Variants in FAR2 observed in about 807,000 individuals in gnomAD.
The protein encoded by FAR2 is fatty acyl-CoA reductase 2, also known as epididymis secretory protein Li 81.
A neutral mutation model predicts 56.0 loss-of-function variants in FAR2; 19 were observed. The ratio of observed to expected loss-of-function variants is 0.34; its 90% CI spans 0.24 to 0.50. The LOEUF (loss-of-function observed/expected upper bound fraction) is 0.50, where lower values mean the gene tolerates loss of function less well. Among genes scored for constraint, FAR2 ranks in the 20% least tolerant of loss-of-function variants. The pLI is 0.98. For synonymous variants in FAR2, 219 were observed against 218.8 expected, an observed-to-expected ratio of 1.00 and a Z score of -0.01; for missense variants, 508 against 642.2, an observed-to-expected ratio of 0.79 and a Z score of 2.26.
Position 29,333,863 on chromosome 12 carries a change from A to C in FAR2, c.*69A>C. On this transcript the variant is annotated 3_prime_UTR_variant, in exon 12 of 12. Transcript: ENST00000536681. ...TCTAAAACAGCAAACTGTGATTCTCAAGATTAGAAAGTAACAAGGAATATG... is the reference window on the plus strand; with the variant it reads ...TCTAAAACAGCAAACTGTGATTCTCCAGATTAGAAAGTAACAAGGAATATG... 13 of 1,415,186 alleles carry C rather than the reference A, an allele frequency of 9.2e-6. No individual in the cohort carries two copies. The highest frequency in any genetic ancestry group is 1.3e-5 in the Non-Finnish European group (13 of 1,023,080). The allele number at this position is 1,415,186 out of a possible 1,614,324, so 87.7% of individuals were successfully genotyped here.
intron 1 of FAR2, among the ~76,000 whole-genome samples, chr12:29,160,730 T>A (rs939689666): frequency 2.0e-5 from 3 of 152,168 alleles, no homozygotes; most frequent in Non-Finnish European, 2.9e-5. Context: ...TCTTTGCTAA[T>A]AGATGGCTGT....
At chr12:29,176,411 G>A (rs1287609083) in intron 1 of FAR2, among the ~76,000 whole-genome samples, 1 of 152,116 alleles carries the variant, frequency 6.6e-6, no homozygotes, top group Non-Finnish European at 1.5e-5. Flanking sequence ...AAGCAGGCAG[G>A]TCATCTGTCA....
At chr12:29,185,770 A>G (rs1434986106) in intron 1 of FAR2, among the ~76,000 whole-genome samples, 3 of 152,256 alleles carry the variant, frequency 2.0e-5, no homozygotes, top group Non-Finnish European at 4.4e-5. Flanking sequence ...TCATGACTAG[A>G]GGTGGCAGAG....
chr12:29,325,468 C>T (rs531901617), intron 10 of FAR2, among the ~76,000 whole-genome samples: 13 of 152,348 alleles, frequency 8.5e-5, no homozygotes, highest in Admixed American at 3.3e-4. Flanking sequence ...CACCACACCA[C>T]ACCTATTCCA....
At chr12:29,224,975 T>C (rs895061275) in intron 1 of FAR2, among the ~76,000 whole-genome samples, 1 of 152,134 alleles carries the variant, frequency 6.6e-6, no homozygotes, top group Admixed American at 6.5e-5. Context: ...TCCTAACACC[T>C]TGGGAGGCCA....
chr12:29,244,095 A>G (rs375322647), intron 1 of FAR2, among the ~76,000 whole-genome samples: 2 of 152,190 alleles, frequency 1.3e-5, no homozygotes, highest in East Asian at 3.8e-4. Context: ...ATTATCTGCT[A>G]TGTCATTTGG....
At chr12:29,244,582 C>CAG (rs1051817041) in intron 1 of FAR2, among the ~76,000 whole-genome samples, 2 of 152,242 alleles carry the variant, frequency 1.3e-5, no homozygotes, top group Admixed American at 6.5e-5. Context: ...ATCCTCCAAA[C>CAG]ATCCATTTAT....
chr12:29,153,645 G>A (rs1233706731), intron 1 of FAR2, among the ~76,000 whole-genome samples: 1 of 152,182 alleles, frequency 6.6e-6, no homozygotes, highest in East Asian at 1.9e-4. Context: ...TAGACAATAA[G>A]GAGAGTGAAC....
chr12:29,261,147 A>G (rs1001298622), intron 1 of FAR2, among the ~76,000 whole-genome samples: 6 of 152,204 alleles, frequency 3.9e-5, no homozygotes, highest in African/African-American at 1.2e-4. Context: ...AACCTCACTA[A>G]ACGAACTAAA....
chr12:29,270,344 A>G, intron 1 of FAR2, 68 bp from the exon 2 acceptor site: 2 of 1,247,622 alleles, frequency 1.6e-6, no homozygotes, highest in Non-Finnish European at 2.2e-6. Context: ...CAACAGAAAC[A>G]TTTTAAGTGA....
intron 1 of FAR2, among the ~76,000 whole-genome samples, chr12:29,263,443 C>T (rs1431337658): frequency 1.3e-5 from 2 of 151,982 alleles, no homozygotes; most frequent in African/African-American, 4.8e-5. Flanking sequence ...GAAATAATAT[C>T]AAGCATCTTC....
At chr12:29,227,433 C>T (rs1947786520) in intron 1 of FAR2, among the ~76,000 whole-genome samples, 3 of 152,184 alleles carry the variant, frequency 2.0e-5, no homozygotes, top group Admixed American at 2.0e-4. Flanking sequence ...ACAGGCGTTC[C>T]TCCCTTTCAT....
intron 1 of FAR2, among the ~76,000 whole-genome samples, chr12:29,153,143 AT>A (rs548100563): frequency 2.2e-4 from 33 of 152,262 alleles, no homozygotes; most frequent in African/African-American, 7.2e-4. Context: ...TGTGTTCCCT[AT>A]TTTTTTGGAA....
At chr12:29,204,967 TG>T (rs1244451189) in intron 1 of FAR2, among the ~76,000 whole-genome samples, 1 of 152,194 alleles carries the variant, frequency 6.6e-6, no homozygotes, top group Non-Finnish European at 1.5e-5. Flanking sequence ...TGAGATTTGG[TG>T]GAGACACAGA....
At chr12:29,309,873 G>A (rs1375970190) in intron 6 of FAR2, 1 of 152,254 alleles carries the variant, frequency 6.6e-6, no homozygotes, top group East Asian at 1.9e-4. Flanking sequence ...TCACACTGAA[G>A]CATTTAGGGT....
chr12:29,332,338 G>C (rs1949742288), intron 10 of FAR2, among the ~76,000 whole-genome samples: 1 of 152,186 alleles, frequency 6.6e-6, no homozygotes, highest in Non-Finnish European at 1.5e-5. Context: ...ACCAGACTAT[G>C]TAATACTATT....
At chr12:29,327,077 G>A (rs570114113) in intron 10 of FAR2, among the ~76,000 whole-genome samples, 52 of 152,224 alleles carry the variant, frequency 3.4e-4, no homozygotes, top group Middle Eastern at 3.4e-3. Flanking sequence ...AACTCAATGT[G>A]CAAAAATCAC....
chr12:29,300,996 C>A (rs1949154069), intron 4 of FAR2, among the ~76,000 whole-genome samples: 1 of 152,096 alleles, frequency 6.6e-6, no homozygotes, highest in South Asian at 2.1e-4. Flanking sequence ...TGGTCCCAAC[C>A]TTTGCAGGCC....
intron 11 of FAR2, 110 bp from the exon 12 acceptor site, chr12:29,333,522 C>T (rs1418555735): frequency 1.0e-6 from 1 of 968,142 alleles, no homozygotes; most frequent in Non-Finnish European, 1.5e-6. Flanking sequence ...ATACTCTGAG[C>T]ACTTCATAAA....
Sources: gnomAD v4.1 joint callset for allele counts (sites outside exome capture counted in the v4.1 genomes callset) on GRCh38, gnomAD v4.1.1 for gene constraint, MANE v1.5 for transcripts, NCBI Gene and HGNC (gene_info 2026-07-23, HGNC 2026-07-21) for gene names.